The following NEGR1 variants were observed in gnomAD, a reference collection of about 807,000 sequenced individuals.
The protein encoded by NEGR1 is neuronal growth regulator 1.
A neutral mutation model predicts 40.9 loss-of-function variants in NEGR1; 10 were observed. The observed-to-expected ratio is 0.24, with a 90% CI of 0.15 to 0.42. The LOEUF (loss-of-function observed/expected upper bound fraction) is 0.42, where lower values mean the gene tolerates loss of function less well. Ranked by LOEUF, NEGR1 falls within the 10% of genes least tolerant of loss-of-function variation. NEGR1 has a pLI of 1.00. For synonymous variants in NEGR1, 185 were observed against 166.8 expected (o/e 1.11, Z -0.84); for missense variants, 352 against 438.9 (o/e 0.80, Z 1.77).
At position 71,807,525 on chromosome 1, in the gene NEGR1, A is replaced by G. The variant is rs563041730; in HGVS notation, c.410-31228T>C. Among the ~76,000 whole-genome samples the G allele has an allele frequency of 3.3e-5, 5 of 152,332 alleles. No homozygotes were observed. The South Asian group carries it at 1.0e-3, about 32-fold the overall frequency. ...CATTCCAAATCTAATGATTTAATGA[A>G]TTCCTCTTGAAGAGGAATTGAGGTT... On this transcript the variant is annotated intron_variant, in intron 2 of 6. Transcript: ENST00000357731.
intron 3 of NEGR1, among the ~76,000 whole-genome samples, chr1:71,731,477 T>C (rs774545410): frequency 9.9e-5 from 15 of 152,236 alleles, no homozygotes; most frequent in South Asian, 2.1e-4. Flanking sequence ...AGAGCCAATG[T>C]AAGGGATATG....
chr1:72,187,827 G>A (rs1017097017), intron 1 of NEGR1, among the ~76,000 whole-genome samples: 4 of 151,412 alleles, frequency 2.6e-5, no homozygotes, highest in Non-Finnish European at 4.4e-5. Context: ...TGAAGGATAC[G>A]TAACTGAGAC....
chr1:72,055,943 C>T (rs1410463698), intron 1 of NEGR1, among the ~76,000 whole-genome samples: 1 of 150,460 alleles, frequency 6.6e-6, no homozygotes, highest in African/African-American at 2.4e-5. Context: ...CTTAAGTAAA[C>T]TACTCAATCT....
chr1:72,221,759 C>A (rs1654019767), intron 1 of NEGR1, among the ~76,000 whole-genome samples: 1 of 151,976 alleles, frequency 6.6e-6, no homozygotes, highest in Non-Finnish European at 1.5e-5. Flanking sequence ...CCTTTTCCAT[C>A]ACGTCTATAA....
intron 6 of NEGR1, among the ~76,000 whole-genome samples, chr1:71,510,327 A>T (rs992447499): frequency 6.6e-6 from 1 of 152,214 alleles, no homozygotes; most frequent in Non-Finnish European, 1.5e-5. Flanking sequence ...GGAAAAAAGC[A>T]AACAACTTCT....
intron 1 of NEGR1, among the ~76,000 whole-genome samples, chr1:72,085,643 A>C (rs1301110928): frequency 6.6e-6 from 1 of 152,128 alleles, no homozygotes; most frequent in Non-Finnish European, 1.5e-5. Context: ...TATAAATATT[A>C]GTATTTCGCT....
In NEGR1 at chr1:71,396,387, A is replaced by G. The variant is rs1418613626; in HGVS notation, c.*11059T>C. 6.6e-6 allele frequency: 1 copy of G among 152,264 alleles called. No homozygotes were observed. The highest frequency in any genetic ancestry group is 1.5e-5 in the Non-Finnish European group (1 of 68,044). 9.4% of individuals were successfully genotyped at this position (152,264 alleles called of 1,614,324 possible). On this transcript the variant is annotated 3_prime_UTR_variant, in exon 7 of 7. Transcript: ENST00000357731. ...AAGTGGATGGATTAATGAATGAATGAATGCCACATGAACATTTCAGGTTAT... is the reference window on the plus strand; with the variant it reads ...AAGTGGATGGATTAATGAATGAATGGATGCCACATGAACATTTCAGGTTAT...
rs1646267093 is a variant in NEGR1, at chr1:71,404,667, T to G, written c.*2779A>C. The G allele has an allele frequency of 6.6e-6, 1 of 151,976 alleles. No individual in the cohort carries two copies. The highest frequency in any genetic ancestry group is 2.4e-5 in the African/African-American group (1 of 41,332). The allele number at this position is 151,976 out of a possible 1,614,324, so 9.4% of individuals were successfully genotyped here. On this transcript the variant is annotated 3_prime_UTR_variant, in exon 7 of 7. Transcript: ENST00000357731. ...TTCTCATTTTTAAACTGCTACTTAT[T>G]TTTCTTTCTTCCTTCTTTAAAAAAA...
At chr1:71,790,398 G>T (rs1201671958) in intron 2 of NEGR1, among the ~76,000 whole-genome samples, 5 of 152,060 alleles carry the variant, frequency 3.3e-5, no homozygotes, top group African/African-American at 4.8e-5. Flanking sequence ...TTCAGTTTCA[G>T]TCGTTACAAC....
chr1:71,682,757 G>A (rs12030204), intron 4 of NEGR1, among the ~76,000 whole-genome samples: 6,658 of 152,240 alleles, frequency 0.044, 206 homozygotes, highest in East Asian at 0.13. Flanking sequence ...TTTGGTCGTG[G>A]GGGCAGGGCT....
At chr1:71,752,434 A>C (rs1328430953) in intron 3 of NEGR1, among the ~76,000 whole-genome samples, 3 of 152,174 alleles carry the variant, frequency 2.0e-5, no homozygotes, top group African/African-American at 7.2e-5. Context: ...GAGGAAACAC[A>C]CAATTTTGGT....
At chr1:71,723,637 C>T (rs1654581134) in intron 3 of NEGR1, among the ~76,000 whole-genome samples, 1 of 152,006 alleles carries the variant, frequency 6.6e-6, no homozygotes, top group East Asian at 1.9e-4. Context: ...CAGACCTCAC[C>T]CTATGTACCC....
intron 1 of NEGR1, among the ~76,000 whole-genome samples, chr1:72,187,826 C>T (rs1002112663): frequency 6.6e-6 from 1 of 151,298 alleles, no homozygotes; most frequent in African/African-American, 2.4e-5. Flanking sequence ...TTGAAGGATA[C>T]GTAACTGAGA....
At chr1:71,675,126 T>TATATATATATACACAC (rs145354058) in intron 4 of NEGR1, among the ~76,000 whole-genome samples, 1 of 77,784 alleles carries the variant, frequency 1.3e-5, no homozygotes, top group African/African-American at 4.1e-5. Context: ...TATATATATA[T>TATATATATATACACAC]ACACACACAC....
chr1:72,056,452 A>G (rs903687263), intron 1 of NEGR1, among the ~76,000 whole-genome samples: 3 of 151,408 alleles, frequency 2.0e-5, no homozygotes, highest in Non-Finnish European at 4.4e-5. Context: ...TTTTTCTTCT[A>G]AACTTCTCAG....
intron 5 of NEGR1, among the ~76,000 whole-genome samples, chr1:71,603,177 G>C (rs145908545): frequency 0.013 from 2,015 of 152,296 alleles, 59 homozygotes; most frequent in African/African-American, 0.046. Flanking sequence ...TCTTACAGGT[G>C]AATGAAGAAG....
chr1:71,457,204 A>G (rs1170999523), intron 6 of NEGR1, among the ~76,000 whole-genome samples: 4 of 152,138 alleles, frequency 2.6e-5, no homozygotes, highest in Non-Finnish European at 5.9e-5. Context: ...CATGTGGTCT[A>G]AATCCTCCTC....
chr1:72,269,425 T>G (rs1655768272), intron 1 of NEGR1, among the ~76,000 whole-genome samples: 1 of 151,662 alleles, frequency 6.6e-6, no homozygotes, highest in Non-Finnish European at 1.5e-5. Flanking sequence ...CTACTGATTT[T>G]CATTTCTTTT....
At chr1:71,707,786 A>T (rs1180731214) in intron 3 of NEGR1, among the ~76,000 whole-genome samples, 1 of 152,192 alleles carries the variant, frequency 6.6e-6, no homozygotes, top group Non-Finnish European at 1.5e-5. Flanking sequence ...CCCCAGGTTC[A>T]GGTGGCTCAG....
Sources: gnomAD v4.1 joint callset for allele counts (sites outside exome capture counted in the v4.1 genomes callset) on GRCh38, gnomAD v4.1.1 for gene constraint, MANE v1.5 for transcripts, NCBI Gene and HGNC (gene_info 2026-07-23, HGNC 2026-07-21) for gene names.